Variants in NOS2 observed in about 807,000 individuals in gnomAD.
NOS2 encodes the protein nitric oxide synthase, inducible.
In NOS2, 96 loss-of-function variants were observed where a neutral mutation model predicts 136.0. That is an observed-to-expected ratio of 0.71 (90% confidence interval 0.60 to 0.84). The LOEUF (loss-of-function observed/expected upper bound fraction) is 0.84. Among genes scored for constraint, NOS2 ranks in the 40% least tolerant of loss-of-function variants. NOS2 has a pLI of 0.00. For missense variants in NOS2, 1,237 were observed against 1,496.9 expected, an observed-to-expected ratio of 0.83 and a Z score of 2.87; for synonymous variants, 539 against 587.5, an observed-to-expected ratio of 0.92 and a Z score of 1.20.
At chr17:27,780,179 A>T (rs887583770) in intron 9 of NOS2, among the ~76,000 whole-genome samples, 7 of 152,238 alleles carry the variant, frequency 4.6e-5, no homozygotes, top group Admixed American at 4.6e-4. Context: ...AGCCTAGAAA[A>T]ATTCTGAGGA....
Position 27,767,808 on chromosome 17 carries a change from G to C in NOS2, c.2064C>G (p.Gly688=). 6.2e-7 allele frequency: 1 copy of C among 1,606,960 alleles called. No homozygotes were observed. The highest frequency in any genetic ancestry group is 1.1e-5 in the South Asian group (1 of 90,494). ...KAACETFDVR[G]KQHIQIPKLY... ...GCTTGGGGATCTGAATGTGCTGTTT[G>C]CCTCGGACATCAAACGTCTCACAGG... The change falls in exon 18 of 27, where the codon GGC becomes GGG. Residue 688 remains glycine (G), a synonymous_variant. Coordinates refer to ENST00000313735, the MANE Select transcript of NOS2 (RefSeq NM_000625.4).
chr17:27,767,508 C>G (rs920499288), intron 18 of NOS2, among the ~76,000 whole-genome samples, 197 bp downstream of exon 18: 9 of 152,276 alleles, frequency 5.9e-5, no homozygotes, highest in Non-Finnish European at 1.0e-4. Flanking sequence ...TCTCCACCAC[C>G]CTCCTGGGGC....
chr17:27,757,425 C>T, intron 26 of NOS2, 72 bp from the exon 27 acceptor site: 2 of 1,248,326 alleles, frequency 1.6e-6, no homozygotes, highest in Non-Finnish European at 2.3e-6. Context: ...CCCAGCTTCC[C>T]TATCACATGG....
Position 27,762,952 on chromosome 17 carries a change from C to T in NOS2, c.2646G>A (p.Val882=). 1.2e-6 allele frequency: 2 copies of T among 1,606,594 alleles called. No homozygotes were observed. Among genetic ancestry groups the T allele is most frequent in the Non-Finnish European group, 1.7e-6 (2 of 1,177,212 alleles). Residue 882 remains valine (V), a synonymous_variant, in exon 22 of 27, where the codon GTG becomes GTA. Coordinates refer to ENST00000313735, the MANE Select transcript of NOS2 (RefSeq NM_000625.4). ...CCCGCAGGGACGGGAACTCCTCTAG[C>T]ACCTCCAGGAATGTGGGGCTGTTGG... ...KFTNSPTFLE[V]LEEFPSLRVS...
intron 5 of NOS2, among the ~76,000 whole-genome samples, chr17:27,783,933 G>A (rs1352122708): frequency 1.3e-5 from 2 of 152,154 alleles, no homozygotes; most frequent in Non-Finnish European, 2.9e-5. Context: ...CCTGGCTATC[G>A]GAGCTCAGTC....
chr17:27,761,205 C>A lies in NOS2; in HGVS notation c.2827G>T (p.Val943Phe). The part of the protein sequence containing the change: ...RDGQGPLHHG[V>F]CSTWLNSLKP... ...AGGCTGTTGAGCCATGTGCTGCAGACGCCGTGGTGCAGGGGACCCTGGCCA... is the reference window on the plus strand; with the variant it reads ...AGGCTGTTGAGCCATGTGCTGCAGAAGCCGTGGTGCAGGGGACCCTGGCCA... Residue 943 changes from valine to phenylalanine, a missense_variant, in exon 23 of 27, where the codon GTC becomes TTC. Val to Phe is a conservative substitution (Grantham distance 50, BLOSUM62 -1). This residue lies in a region of NOS2 where 782 missense variants were observed against 909.9 expected (regional missense o/e 0.86). Transcript: ENST00000313735. The A allele has an allele frequency of 6.2e-7, 1 of 1,609,250 alleles. No homozygotes were observed. The highest frequency in any genetic ancestry group is 8.5e-7 in the Non-Finnish European group (1 of 1,178,770).
At chr17:27,794,430 A>C (rs957177736) in intron 2 of NOS2, among the ~76,000 whole-genome samples, 2 of 152,102 alleles carry the variant, frequency 1.3e-5, no homozygotes, top group African/African-American at 4.8e-5. Context: ...TCCGCCTGTA[A>C]GGTGCTCCTT....
Position 27,762,784 on chromosome 17 carries a change from T to C in NOS2, c.2800+14A>G. 6.5e-7 allele frequency: 1 copy of C among 1,531,608 alleles called. No individual in the cohort carries two copies. The highest frequency in any genetic ancestry group is 8.8e-7 in the Non-Finnish European group (1 of 1,133,966). The allele number at this position is 1,531,608 out of a possible 1,614,324, so 94.9% of individuals were successfully genotyped here. A position where few individuals can be genotyped will look rare whatever the true frequency, so the allele number is the denominator to read the frequency against. On this transcript the variant is annotated intron_variant, in intron 22 of 26. Coordinates refer to ENST00000313735, the MANE Select transcript of NOS2 (RefSeq NM_000625.4). ...CGGAGCGGGGCTGTTCCAGAGCCTC[T>C]GCCCCTGGCTCACCTCGGGTGTGGT...
intron 17 of NOS2, 128 bp downstream of exon 17, chr17:27,768,849 T>C: frequency 9.4e-7 from 1 of 1,062,614 alleles, no homozygotes; most frequent in African/African-American, 1.6e-5. Flanking sequence ...CCCTGGCCCA[T>C]GCCTGGGACC....
chr17:27,798,887 A>G lies in NOS2; in HGVS notation c.-73-5T>C. ...CAGATGTTCTTCACTGTGGGGCTGAAGAAGGGAAGCAGAGGTGAGGGAAGG... is the reference window on the plus strand; with the variant it reads ...CAGATGTTCTTCACTGTGGGGCTGAGGAAGGGAAGCAGAGGTGAGGGAAGG... On this transcript the variant is annotated splice_polypyrimidine_tract_variant and splice_region_variant and intron_variant, in intron 1 of 26. Transcript: ENST00000313735. 1 of 937,050 alleles carries G rather than the reference A, an allele frequency of 1.1e-6. No individual in the cohort carries two copies. The highest frequency in any genetic ancestry group is 1.3e-5 in the South Asian group (1 of 75,644). The allele number at this position is 937,050 out of a possible 1,614,324, so 58.0% of individuals were successfully genotyped here. A position where few individuals can be genotyped will look rare whatever the true frequency, so the allele number is the denominator to read the frequency against.
chr17:27,771,298 C>T (rs1212092171), intron 14 of NOS2, among the ~76,000 whole-genome samples: 1 of 152,248 alleles, frequency 6.6e-6, no homozygotes, highest in Non-Finnish European at 1.5e-5. Flanking sequence ...TGTCTAAATG[C>T]CTCTCACCAT....
At chr17:27,785,462 T>C (rs1483456194) in intron 5 of NOS2, among the ~76,000 whole-genome samples, 1 of 152,070 alleles carries the variant, frequency 6.6e-6, no homozygotes, top group African/African-American at 2.4e-5. Context: ...TGGGGAGCTT[T>C]TGAAGCACAC....
Position 27,764,065 on chromosome 17 carries a change from T to C in NOS2, c.2508A>G (p.Thr836=). 1 of 1,611,940 alleles carries C rather than the reference T, an allele frequency of 6.2e-7. No individual in the cohort carries two copies. ...QALTYFLDIT[T]PPTQLLLQKL... is the part of the protein sequence containing the mutation. ...TTTGGAGCAGCAGCTGGGTTGGGGG[T>C]GTGGTGATGTCCAGGAAGTAGGTGA... is the stretch of plus-strand genomic sequence containing the variant. Residue 836 remains threonine, a synonymous_variant, in exon 21 of 27, where the codon ACA becomes ACG. Transcript: ENST00000313735.
In NOS2 at chr17:27,800,520, A is replaced by G. The variant is rs199582928; in HGVS notation, c.-255T>C. 1 of 152,082 alleles carries G rather than the reference A, an allele frequency of 6.6e-6. No homozygotes were observed. 9.4% of individuals were successfully genotyped at this position (152,082 alleles called of 1,614,324 possible). A position where few individuals can be genotyped will look rare whatever the true frequency, so the allele number is the denominator to read the frequency against. ...CCGGAGCCTCAGTTTTCGACTCGCT[A>G]CAAAGTTATGAACACACTGGCAGCC... On this transcript the variant is annotated 5_prime_UTR_variant, in exon 1 of 27. Transcript: ENST00000313735.
intron 11 of NOS2, among the ~76,000 whole-genome samples, chr17:27,778,458 C>A (rs1567638811): frequency 6.6e-6 from 1 of 152,080 alleles, no homozygotes; most frequent in Non-Finnish European, 1.5e-5. Flanking sequence ...ATTGATGATA[C>A]AGAGAGAGAA....
intron 2 of NOS2, among the ~76,000 whole-genome samples, chr17:27,794,196 G>GC (rs1218673634): frequency 1.3e-5 from 2 of 152,136 alleles, no homozygotes; most frequent in Non-Finnish European, 2.9e-5. Flanking sequence ...CAGGACCACA[G>GC]CCCAGCCTAA....
rs1247976283 is a variant in NOS2 at position 27,762,935 on chromosome 17, G to A, written c.2663C>T (p.Ser888Phe). 6.2e-7 allele frequency: 1 copy of A among 1,606,328 alleles called. No individual in the cohort carries two copies. The highest frequency in any genetic ancestry group is 1.3e-5 in the African/African-American group (1 of 74,770). ...TFLEVLEEFP[S>F]LRVSAGFLLS... ...CAGGAAGCCAGCAGACACCCGCAGG[G>A]ACGGGAACTCCTCTAGCACCTCCAG... Residue 888 changes from serine to phenylalanine, a missense_variant, in exon 22 of 27, where the codon TCC becomes TTC. Transcript: ENST00000313735.
chr17:27,766,573 T>C lies in NOS2; in HGVS notation c.2183A>G (p.His728Arg). The change falls in exon 19 of 27, where the codon CAT (histidine) becomes CGT (arginine). Residue 728 changes from histidine to arginine, a missense_variant. His to Arg is a conservative substitution (Grantham distance 29). Transcript: ENST00000313735. ...LDLSKALSSM[H>R]AKNVFTMRLK... ...CCTCATGGTGAACACGTTCTTGGCA[T>C]GCATGCTGCTGAGGGCTGTGGAGGA... The C allele has an allele frequency of 1.2e-6, 2 of 1,614,134 alleles. No homozygotes were observed. Among genetic ancestry groups the C allele is most frequent in the Non-Finnish European group, 8.5e-7 (1 of 1,179,984 alleles).
chr17:27,759,608 GTCTAT>G (rs2151324210), intron 25 of NOS2, among the ~76,000 whole-genome samples: 1 of 152,308 alleles, frequency 6.6e-6, no homozygotes, highest in East Asian at 1.9e-4. Context: ...AAGGCCGAGA[GTCTAT>G]TCTGACACCC....
Sources: gnomAD v4.1 joint callset for allele counts (sites outside exome capture counted in the v4.1 genomes callset) on GRCh38, gnomAD v4.1.1 for gene constraint, gnomAD v4.1.1 regional missense constraint, MANE v1.5 for transcripts, NCBI Gene and HGNC (gene_info 2026-07-23, HGNC 2026-07-21) for gene names.